Variants in CIB1 observed in about 807,000 individuals in gnomAD.
CIB1 encodes calcium and integrin-binding protein 1.
A neutral mutation model predicts 25.0 loss-of-function variants in CIB1; 19 were observed. That is an observed-to-expected ratio of 0.76 (90% confidence interval 0.53 to 1.12). The LOEUF is 1.12. Among genes scored for constraint, CIB1 ranks in the 50% most tolerant of loss-of-function variants. The probability of loss-of-function intolerance (pLI) is 0.00; values close to 1 mark genes in which losing one functional copy is unlikely to be tolerated. For synonymous variants in CIB1, 104 were observed against 98.5 expected (o/e 1.06, Z -0.33); for missense variants, 236 against 242.6 (o/e 0.97, Z 0.18).
chr15:90,259,145 T>C, the CIB1 span: 1 of 1,102,670 alleles, frequency 9.1e-7, no homozygotes, highest in Non-Finnish European at 1.2e-6. Flanking sequence ...GGAGGATTGC[T>C]TGAGCCCTAG....
chr15:90,256,794 T>C, the CIB1 span, among the ~76,000 whole-genome samples: 2 of 152,020 alleles, frequency 1.3e-5, no homozygotes, highest in South Asian at 4.1e-4. Flanking sequence ...GTTCAAGCAA[T>C]TCTCTGCCTC....
At chr15:90,243,818 T>C in the CIB1 span, 1 of 151,506 alleles carries the variant, frequency 6.6e-6, no homozygotes, top group Admixed American at 6.6e-5. Context: ...CCCGGCTATT[T>C]TTTTGGAGAG....
At chr15:90,258,166 G>T in the CIB1 span, 1 of 1,614,202 alleles carries the variant, frequency 6.2e-7, no homozygotes, top group Non-Finnish European at 8.5e-7. Context: ...CACAACTACC[G>T]AACCTGTTTT....
chr15:90,237,163 A>G (rs964620870), upstream of CIB1, among the ~76,000 whole-genome samples: 2 of 150,378 alleles, frequency 1.3e-5, no homozygotes, highest in Non-Finnish European at 3.0e-5. Context: ...GTTTCACCAT[A>G]TTGGCCAGGC....
At chr15:90,240,211 A>AGACTCCATC in the CIB1 span, among the ~76,000 whole-genome samples, 1 of 150,992 alleles carries the variant, frequency 6.6e-6, no homozygotes, top group Non-Finnish European at 1.5e-5. Context: ...TGACAGAGTG[A>AGACTCCATC]TAAATAAATA....
chr15:90,231,507 C>T lies in CIB1; in HGVS notation c.196G>A (p.Ala66Thr), dbSNP rs1282252900. Residue 66 changes from alanine (A) to threonine (T), a missense_variant and splice_region_variant, in exon 4 of 7, where the codon GCC becomes ACC. Transcript: ENST00000328649. ...EQILSLPELK[A>T]NPFKERICRV... ...CAGATTCGCTCCTTGAAGGGGTTGG[C>T]CTAGGAGAACAAACGCCACAGGACG... 30 of 1,613,038 alleles carry T rather than the reference C, an allele frequency of 1.9e-5. No homozygotes were observed. The highest frequency in any genetic ancestry group is 2.5e-5 in the Non-Finnish European group (30 of 1,179,584).
At chr15:90,257,062 T>C in the CIB1 span, 2 of 1,356,838 alleles carry the variant, frequency 1.5e-6, no homozygotes, top group Non-Finnish European at 2.0e-6. Flanking sequence ...TAGCTATGTG[T>C]GTGAAGCACT....
At chr15:90,246,386 GGTAACAGCTTTGCATTTGA>G in the CIB1 span, among the ~76,000 whole-genome samples, 31 of 152,220 alleles carry the variant, frequency 2.0e-4, no homozygotes, top group East Asian at 1.5e-3. Context: ...CTTAATGTGG[GGTAACAGCTTTGCATTTGA>G]GTAACAGCTT....
chr15:90,264,367 A>G, the CIB1 span, among the ~76,000 whole-genome samples: 8 of 152,016 alleles, frequency 5.3e-5, no homozygotes, highest in African/African-American at 1.9e-4. Context: ...ACTTTTGTAT[A>G]TTTTGTTTTT....
the CIB1 span, chr15:90,257,947 T>G: frequency 7.9e-7 from 1 of 1,259,562 alleles, no homozygotes; most frequent in East Asian, 2.4e-5. Flanking sequence ...AGCCCGGGCA[T>G]GCAATTAGCG....
the CIB1 span, chr15:90,258,976 TA>T: frequency 1.2e-6 from 2 of 1,613,144 alleles, no homozygotes; most frequent in Non-Finnish European, 1.7e-6. Flanking sequence ...TTCCTGAGAG[TA>T]AAAGTCCTCC....
chr15:90,263,074 G>A, the CIB1 span: 5 of 1,536,100 alleles, frequency 3.3e-6, no homozygotes, highest in Non-Finnish European at 4.4e-6. Context: ...CCGAAGCCTG[G>A]GTATTGTAGA....
the CIB1 span, chr15:90,249,682 C>G: frequency 6.6e-6 from 1 of 152,250 alleles, no homozygotes; most frequent in Non-Finnish European, 1.5e-5. Flanking sequence ...GAGGCGGTTC[C>G]GGACGCCCAG....
the CIB1 span, chr15:90,257,792 C>A: frequency 6.8e-7 from 1 of 1,477,258 alleles, no homozygotes; most frequent in Non-Finnish European, 9.4e-7. Flanking sequence ...CCCATGAAAC[C>A]AAGCTGGCTC....
the CIB1 span, chr15:90,262,493 C>A: frequency 6.8e-7 from 1 of 1,479,784 alleles, no homozygotes; most frequent in Non-Finnish European, 8.9e-7. Context: ...TCTTGTCAGG[C>A]AGCAACTAGA....
chr15:90,231,652 A>C, intron 3 of CIB1, 145 bp from the exon 4 acceptor site: 1 of 926,684 alleles, frequency 1.1e-6, no homozygotes, highest in Non-Finnish European at 1.6e-6. Context: ...GCCAACATGG[A>C]GGGCAGTGGG....
the CIB1 span, chr15:90,263,329 C>A: frequency 1.7e-6 from 1 of 571,798 alleles, no homozygotes; most frequent in Non-Finnish European, 3.0e-6. Context: ...TGTTCCCAAG[C>A]TCCTTTGTTT....
At chr15:90,252,118 C>T in the CIB1 span, among the ~76,000 whole-genome samples, 1 of 149,720 alleles carries the variant, frequency 6.7e-6, no homozygotes, top group Admixed American at 7.0e-5. Context: ...CGACTCACTG[C>T]AACCTCCACC....
chr15:90,257,741 T>TCTCCTGCTTCCTCTGCCCC, the CIB1 span: 1 of 1,610,830 alleles, frequency 6.2e-7, no homozygotes, highest in Non-Finnish European at 8.5e-7. Context: ...TACTCTGTTT[T>TCTCCTGCTTCCTCTGCCCC]CTCCTGCTTC....
Sources: allele counts gnomAD v4.1 joint callset (sites outside exome capture counted in the v4.1 genomes callset), GRCh38; gene constraint gnomAD v4.1.1; transcripts MANE v1.5; gene names NCBI Gene and HGNC (gene_info 2026-07-23, HGNC 2026-07-21).